Variants in USH2A observed in about 807,000 individuals in gnomAD.
USH2A encodes the protein usherin, also known as Usher syndrome 2A (autosomal recessive, mild).
In USH2A, 443 loss-of-function variants were observed where a neutral mutation model predicts 538.9. The ratio of observed to expected loss-of-function variants is 0.82; its 90% CI spans 0.76 to 0.89. The LOEUF is 0.89. USH2A is among the 40% of genes least tolerant of loss of function. The pLI is 0.00. For synonymous variants in USH2A, 2,413 were observed against 2,273.5 expected (o/e 1.06, Z -1.75); for missense variants, 6,633 against 6,324.8 (o/e 1.05, Z -1.65).
At chr1:215,794,134 A>T (rs1055698606) in intron 50 of USH2A, among the ~76,000 whole-genome samples, 2 of 152,182 alleles carry the variant, frequency 1.3e-5, no homozygotes, top group African/African-American at 4.8e-5. Flanking sequence ...ATCTGCCCAG[A>T]GAGAGCACTA....
chr1:215,803,688 C>T (rs937845643), intron 49 of USH2A, among the ~76,000 whole-genome samples: 48 of 152,178 alleles, frequency 3.2e-4, no homozygotes, highest in Non-Finnish European at 5.0e-4. Context: ...GAATCAATAT[C>T]ACGAAAATGG....
intron 61 of USH2A, among the ~76,000 whole-genome samples, chr1:215,723,093 G>A (rs1659709259): frequency 6.6e-6 from 1 of 152,106 alleles, no homozygotes; most frequent in Admixed American, 6.5e-5. Context: ...GGGAGTTTAA[G>A]GCCTTCTAAT....
At chr1:216,033,386 C>T (rs897985805) in intron 32 of USH2A, among the ~76,000 whole-genome samples, 1 of 152,132 alleles carries the variant, frequency 6.6e-6, no homozygotes, top group Non-Finnish European at 1.5e-5. Context: ...GACAATGATT[C>T]AGCCATGTAA....
Position 216,198,422 on chromosome 1 carries a change from G to C in USH2A, c.3974C>G (p.Thr1325Ser), listed in dbSNP as rs1379052138. The change falls in exon 18 of 72, where the codon ACC becomes AGC. Residue 1325 changes from threonine to serine, a missense_variant. Thr to Ser is a moderately conservative substitution (Grantham distance 58). Coordinates refer to ENST00000307340, the MANE Select transcript of USH2A (RefSeq NM_206933.4). Reference sequence around the variant, plus strand: ...GGTGTATGGCTCCAAGCCAGTGATGGTTGTCATTGTTTGAGGAGGTTTTAA... The same window carrying C: ...GGTGTATGGCTCCAAGCCAGTGATGCTTGTCATTGTTTGAGGAGGTTTTAA... The part of the protein sequence containing the change: ...NALKPPQTMT[T>S]ITGLEPYTKY... 2 of 1,613,996 alleles carry C rather than the reference G, an allele frequency of 1.2e-6. No homozygotes were observed. The highest frequency in any genetic ancestry group is 2.2e-5 in the South Asian group (2 of 91,076).
chr1:215,627,680 C>A (rs1013591103), intron 71 of USH2A, among the ~76,000 whole-genome samples: 1 of 152,014 alleles, frequency 6.6e-6, no homozygotes, highest in Non-Finnish European at 1.5e-5. Context: ...TGCGCACCAC[C>A]GCGCCCAGCT....
At position 216,321,934 on chromosome 1, in the gene USH2A, G is replaced by A. The variant is rs2102650600; in HGVS notation, c.1593C>T (p.Ser531=). 1 of 1,613,856 alleles carries A rather than the reference G, an allele frequency of 6.2e-7. No individual in the cohort carries two copies. Residue 531 remains serine (S), a synonymous_variant, in exon 9 of 72, where the codon AGC becomes AGT. Transcript: ENST00000307340. ...GGGAGCAGAGGCATCTATATGGCTG[G>A]CTTGTTGTGTCGCAGTTATCGGCAT... ...HGHADNCDTT[S]QPYRCLCSQE... is the part of the protein sequence containing the mutation.
intron 46 of USH2A, among the ~76,000 whole-genome samples, chr1:215,842,795 C>T (rs1204048166): frequency 6.6e-6 from 1 of 151,962 alleles, no homozygotes; most frequent in Non-Finnish European, 1.5e-5. Context: ...GAACAACACA[C>T]ACTGGGGCCT....
intron 21 of USH2A, among the ~76,000 whole-genome samples, chr1:216,113,114 C>A: frequency 7.1e-6 from 1 of 140,152 alleles, no homozygotes; most frequent in African/African-American, 2.7e-5. Flanking sequence ...AAGGACTGAT[C>A]ATGCTTTACA....
intron 47 of USH2A, among the ~76,000 whole-genome samples, chr1:215,835,436 G>C (rs1663449857): frequency 6.6e-6 from 1 of 152,100 alleles, no homozygotes; most frequent in African/African-American, 2.4e-5. Context: ...CCACCATTCA[G>C]GTTGTAGTCT....
At chr1:215,854,634 G>T (rs1316355255) in intron 44 of USH2A, among the ~76,000 whole-genome samples, 1 of 152,150 alleles carries the variant, frequency 6.6e-6, no homozygotes, top group East Asian at 1.9e-4. Context: ...CTCCCAAATG[G>T]GTCTTCCAGT....
intron 61 of USH2A, among the ~76,000 whole-genome samples, chr1:215,687,979 G>A (rs1360577319): frequency 6.6e-6 from 1 of 152,066 alleles, no homozygotes; most frequent in Non-Finnish European, 1.5e-5. Context: ...GAGATAGAGA[G>A]ATCAAGACAT....
intron 3 of USH2A, among the ~76,000 whole-genome samples, chr1:216,402,172 T>A (rs1182342187): frequency 6.6e-6 from 1 of 152,274 alleles, no homozygotes; most frequent in Middle Eastern, 3.4e-3. Context: ...TAAAAAATCC[T>A]GAACAAATGT....
At chr1:215,889,464 C>T (rs1180314863) in intron 40 of USH2A, among the ~76,000 whole-genome samples, 1 of 152,154 alleles carries the variant, frequency 6.6e-6, no homozygotes, top group African/African-American at 2.4e-5. Context: ...ACTATCATAA[C>T]AAACTTGCAT....
intron 50 of USH2A, 139 bp downstream of exon 50, chr1:215,798,768 C>A: frequency 1.0e-6 from 1 of 997,732 alleles, no homozygotes; most frequent in Admixed American, 2.0e-5. Context: ...ATGTGTTAAA[C>A]AATATGTTCC....
At chr1:216,252,437 T>C (rs1435797834) in intron 11 of USH2A, among the ~76,000 whole-genome samples, 1 of 152,162 alleles carries the variant, frequency 6.6e-6, no homozygotes, top group South Asian at 2.1e-4. Context: ...TGATTTATAT[T>C]TAATTTCAAG....
chr1:215,786,967 T>A, intron 51 of USH2A, 93 bp from the exon 52 acceptor site: 3 of 1,257,080 alleles, frequency 2.4e-6, no homozygotes, highest in Non-Finnish European at 3.4e-6. Context: ...TCAAATGAAA[T>A]TTTTCCTCCA....
At chr1:216,106,112 C>T (rs80147335) in intron 21 of USH2A, among the ~76,000 whole-genome samples, 6,741 of 148,656 alleles carry the variant, frequency 0.045, 187 homozygotes, top group South Asian at 0.13. Flanking sequence ...AAAGTTTGAA[C>T]GAAAACTTGA....
In USH2A at chr1:216,402,780, A is replaced by C. The variant is rs2039328879; in HGVS notation, c.651+15734T>G. ...GTCAAAAGTTAAATGCAAATTTTTA[A>C]CTCCATCGGGAGTCAATACCCCAAG... On this transcript the variant is annotated intron_variant, in intron 3 of 71. Coordinates refer to ENST00000307340, the MANE Select transcript of USH2A (RefSeq NM_206933.4). Among the ~76,000 whole-genome samples the C allele has an allele frequency of 3.3e-5, 5 of 152,206 alleles. No homozygotes were observed. The South Asian group carries it at 1.0e-3, about 32-fold the overall frequency.
In USH2A at chr1:215,878,800, C is replaced by T. The variant is rs1064797134; in HGVS notation, c.8522G>A (p.Trp2841Ter). The T allele has an allele frequency of 2.5e-6, 4 of 1,613,754 alleles. No individual in the cohort carries two copies. Among genetic ancestry groups the T allele is most frequent in the Non-Finnish European group, 3.4e-6 (4 of 1,179,932 alleles). The change falls in exon 42 of 72, where the codon TGG becomes TAG. Residue 2841 changes from tryptophan (W) to a stop codon, truncating the protein, a stop_gained. Transcript: ENST00000307340. LOFTEE classifies it high-confidence loss of function. ...TCCATTTGGCTTGGATGGTGGTTGC[C>T]AAGAAATCACAACATATGATTCACT... ...PLSESYVVIS[W>*]QPPSKPNGPN... is the part of the protein sequence containing the mutation.
Sources: gnomAD v4.1 joint callset for allele counts (sites outside exome capture counted in the v4.1 genomes callset) on GRCh38, gnomAD v4.1.1 for gene constraint, MANE v1.5 for transcripts, NCBI Gene and HGNC (gene_info 2026-07-23, HGNC 2026-07-21) for gene names.